The following MCC variants were observed in gnomAD, a reference collection of about 807,000 sequenced individuals.
The protein encoded by MCC is colorectal mutant cancer protein.
In MCC, 90 loss-of-function variants were observed where a neutral mutation model predicts 116.2. The ratio of observed to expected loss-of-function variants is 0.77; its 90% CI spans 0.65 to 0.92. The LOEUF (loss-of-function observed/expected upper bound fraction) is 0.92. Ranked by LOEUF, MCC falls within the 40% of genes least tolerant of loss-of-function variation. MCC has a pLI of 0.00. For missense variants in MCC, 1,516 were observed against 1,312.2 expected, an observed-to-expected ratio of 1.16 and a Z score of -2.40; for synonymous variants, 578 against 510.5, an observed-to-expected ratio of 1.13 and a Z score of -1.78.
chr5:113,174,372 G>T (rs182483161), intron 3 of MCC, among the ~76,000 whole-genome samples: 2 of 152,204 alleles, frequency 1.3e-5, no homozygotes, highest in Admixed American at 6.5e-5. Context: ...TGCACTGTTT[G>T]GCACCTAAGG....
chr5:113,341,316 A>G (rs117154736), intron 2 of MCC, among the ~76,000 whole-genome samples: 2 of 151,014 alleles, frequency 1.3e-5, no homozygotes, highest in African/African-American at 2.4e-5. Context: ...TGTAGCCTCA[A>G]CCTCCTGGGT....
At chr5:113,073,003 G>C (rs928690081) in intron 11 of MCC, among the ~76,000 whole-genome samples, 2 of 151,732 alleles carry the variant, frequency 1.3e-5, no homozygotes, top group African/African-American at 4.8e-5. Context: ...GCTAGACCAA[G>C]CTTGTCCAAC....
chr5:113,320,445 C>G (rs964115473), intron 3 of MCC, among the ~76,000 whole-genome samples: 2 of 111,786 alleles, frequency 1.8e-5, no homozygotes, highest in Non-Finnish European at 3.4e-5. Context: ...ATGCACCAGA[C>G]TCATTGCAAA....
At chr5:113,353,392 G>A (rs1280713116) in intron 2 of MCC, among the ~76,000 whole-genome samples, 1 of 152,110 alleles carries the variant, frequency 6.6e-6, no homozygotes, top group African/African-American at 2.4e-5. Context: ...GTAATGAGAA[G>A]GATGACAGTG....
At chr5:113,076,936 G>A (rs1271296019) in intron 11 of MCC, among the ~76,000 whole-genome samples, 1 of 152,122 alleles carries the variant, frequency 6.6e-6, no homozygotes, top group Non-Finnish European at 1.5e-5. Flanking sequence ...GACACACATG[G>A]GCTCAAAATG....
intron 16 of MCC, 55 bp downstream of exon 16, chr5:113,049,027 TGGTCACTGGGC>T (rs1249504758): frequency 6.8e-6 from 10 of 1,465,642 alleles, no homozygotes; most frequent in South Asian, 1.2e-5. Flanking sequence ...GTGTGGCCAG[TGGTCACTGGGC>T]AGTCACTGGG....
Position 113,434,103 on chromosome 5 carries a change from T to C in MCC, c.171-48891A>G, listed in dbSNP as rs1414498194. Reference sequence around the variant, plus strand: ...CTGCAGCATGTGGTAGATGAGGTCCTTGCACTCGCCTGTCAGGTGCTTGGA... The same window carrying C: ...CTGCAGCATGTGGTAGATGAGGTCCCTGCACTCGCCTGTCAGGTGCTTGGA... On this transcript the variant is annotated intron_variant, in intron 1 of 18. Coordinates refer to ENST00000408903, the MANE Select transcript of MCC (RefSeq NM_001085377.2). The surrounding 1 kb of genome is among the most constrained non-coding windows in gnomAD (Gnocchi z 4.2). 1 of 1,614,212 alleles carries C rather than the reference T, an allele frequency of 6.2e-7. No individual in the cohort carries two copies. The highest frequency in any genetic ancestry group is 8.5e-7 in the Non-Finnish European group (1 of 1,180,008).
At chr5:113,425,728 A>G (rs777407587) in intron 1 of MCC, among the ~76,000 whole-genome samples, 50 of 152,210 alleles carry the variant, frequency 3.3e-4, no homozygotes, top group Non-Finnish European at 6.3e-4. Context: ...TAAAAGCGTC[A>G]TCAGTGTTAC....
At chr5:113,050,224 G>C (rs1752397257) in intron 15 of MCC, among the ~76,000 whole-genome samples, 1 of 152,208 alleles carries the variant, frequency 6.6e-6, no homozygotes. Flanking sequence ...CAAGCTGTCT[G>C]GTTCAGAGCT....
intron 3 of MCC, among the ~76,000 whole-genome samples, chr5:113,286,186 C>G (rs1766250244): frequency 6.6e-6 from 1 of 152,214 alleles, no homozygotes; most frequent in Non-Finnish European, 1.5e-5. Flanking sequence ...GAAGGAACAA[C>G]TAACCTGGAG....
intron 1 of MCC, among the ~76,000 whole-genome samples, chr5:113,392,514 TAAA>T (rs543127777): frequency 7.1e-6 from 1 of 141,712 alleles, no homozygotes; most frequent in African/African-American, 2.6e-5. Flanking sequence ...TGGCAACATC[TAAA>T]AAAAAAAAAA....
At chr5:113,212,604 T>C (rs986833431) in intron 3 of MCC, among the ~76,000 whole-genome samples, 1 of 152,198 alleles carries the variant, frequency 6.6e-6, no homozygotes, top group Non-Finnish European at 1.5e-5. Context: ...CAATATTGTG[T>C]TCAAACACAA....
intron 1 of MCC, among the ~76,000 whole-genome samples, chr5:113,485,357 C>G (rs1458171085): frequency 6.6e-6 from 1 of 152,070 alleles, no homozygotes; most frequent in Non-Finnish European, 1.5e-5. Context: ...ACTTGCCCAC[C>G]CAATATCTAT....
chr5:113,373,385 G>C (rs1486017860), intron 2 of MCC, among the ~76,000 whole-genome samples: 1 of 151,842 alleles, frequency 6.6e-6, no homozygotes, highest in Non-Finnish European at 1.5e-5. Flanking sequence ...TAAATACAAA[G>C]AACTGAAGTT....
chr5:113,101,662 C>A (rs1756418306), intron 8 of MCC, 77 bp downstream of exon 8: 2 of 1,423,752 alleles, frequency 1.4e-6, no homozygotes, highest in East Asian at 4.6e-5. Flanking sequence ...TCTCACGGTG[C>A]CCCTGGTGCT....
chr5:113,089,615 C>T (rs1755456459), intron 8 of MCC, among the ~76,000 whole-genome samples: 1 of 152,220 alleles, frequency 6.6e-6, no homozygotes, highest in African/African-American at 2.4e-5. Flanking sequence ...TAGAGTGGCA[C>T]TATCTGCTAT....
intron 8 of MCC, among the ~76,000 whole-genome samples, chr5:113,089,558 T>C (rs1755450800): frequency 6.6e-6 from 1 of 152,216 alleles, no homozygotes; most frequent in Non-Finnish European, 1.5e-5. Flanking sequence ...AAATACACTC[T>C]AGACCAGTAC....
At chr5:113,053,318 G>A (rs904309458) in intron 15 of MCC, among the ~76,000 whole-genome samples, 1 of 152,162 alleles carries the variant, frequency 6.6e-6, no homozygotes, top group African/African-American at 2.4e-5. Context: ...AGGGCTCTCG[G>A]CCAAACTCTA....
intron 1 of MCC, among the ~76,000 whole-genome samples, chr5:113,402,665 C>T (rs766418061): frequency 1.8e-4 from 27 of 152,092 alleles, no homozygotes; most frequent in Non-Finnish European, 3.7e-4. Context: ...TCTTATTCTA[C>T]TCACTCTCTC....
Sources: gnomAD v4.1 joint callset for allele counts (sites outside exome capture counted in the v4.1 genomes callset) on GRCh38, gnomAD v4.1.1 for gene constraint, Gnocchi (gnomAD v3.1) non-coding constraint, MANE v1.5 for transcripts, NCBI Gene and HGNC (gene_info 2026-07-23, HGNC 2026-07-21) for gene names.